The following DNAJC15 variants were observed in gnomAD, a reference collection of about 807,000 sequenced individuals.
DNAJC15 encodes the protein DnaJ heat shock protein family (Hsp40) member C15, also known as dnaJ homolog subfamily C member 15.
A neutral mutation model predicts 22.4 loss-of-function variants in DNAJC15; 27 were observed. The observed-to-expected ratio is 1.20, with a 90% CI of 0.89 to 1.66. The LOEUF (loss-of-function observed/expected upper bound fraction) is 1.66. DNAJC15 is among the 40% of genes most tolerant of loss of function. The pLI is 0.00. For synonymous variants in DNAJC15, 79 were observed against 63.2 expected, an observed-to-expected ratio of 1.25 and a Z score of -1.19; for missense variants, 208 against 187.1, an observed-to-expected ratio of 1.11 and a Z score of -0.65.
Position 43,070,646 on chromosome 13 carries a change from G to T in DNAJC15, c.234+1643G>T, listed in dbSNP as rs76918382. 3.0e-3 allele frequency among the ~76,000 whole-genome samples: 463 copies of T among 152,272 alleles called. 3 individuals are homozygous for T. Among genetic ancestry groups the T allele is most frequent in the African/African-American group, 0.011 (437 of 41,564 alleles). On this transcript the variant is annotated intron_variant, in intron 3 of 5. Transcript: ENST00000379221. The stretch of plus-strand genomic sequence containing the variant: ...CTCTGGTGTAAGAGCTTCCTAGGTG[G>T]TGGGATCACTGCAAAGGTCCTGAGG...
chr13:43,071,085 A>G (rs1487618164), intron 3 of DNAJC15, among the ~76,000 whole-genome samples: 1 of 152,230 alleles, frequency 6.6e-6, no homozygotes, highest in African/African-American at 2.4e-5. Context: ...TCTTCAATAT[A>G]GTGTAAATAG....
At position 43,023,704 on chromosome 13, in the gene DNAJC15, G is replaced by T; in HGVS notation, c.78G>T (p.Arg26=). The change falls in exon 1 of 6, where the codon CGG becomes CGT. Residue 26 remains arginine (R), a synonymous_variant. Coordinates refer to ENST00000379221, the MANE Select transcript of DNAJC15 (RefSeq NM_013238.3). The part of the protein sequence containing the change: ...YAEYLQPSAK[R]PDADVDQQRL... Reference sequence around the variant, plus strand: ...AGTACTTGCAGCCCTCGGCCAAACGGCCAGACGCCGACGTCGACCAGCAGA... The same window carrying T: ...AGTACTTGCAGCCCTCGGCCAAACGTCCAGACGCCGACGTCGACCAGCAGA... 6.2e-7 allele frequency: 1 copy of T among 1,611,624 alleles called. No individual in the cohort carries two copies. Among genetic ancestry groups the T allele is most frequent in the Non-Finnish European group, 8.5e-7 (1 of 1,179,124 alleles).
rs1335608109 is a variant in DNAJC15, at chr13:43,023,622, T to G, written c.-5T>G. On this transcript the variant is annotated 5_prime_UTR_variant, in exon 1 of 6. Coordinates refer to ENST00000379221, the MANE Select transcript of DNAJC15 (RefSeq NM_013238.3). ...CGGCGCCTTGAGTCTCCGGGCCGCC[T>G]TGCCATGGCTGCCCGTGGTGTCATC... is the stretch of plus-strand genomic sequence containing the variant. The G allele has an allele frequency of 1.9e-6, 3 of 1,608,118 alleles. No individual in the cohort carries two copies. The East Asian group carries it at 6.7e-5, about 36-fold the overall frequency.
intron 1 of DNAJC15, among the ~76,000 whole-genome samples, chr13:43,058,101 C>G (rs1222397041): frequency 6.6e-6 from 1 of 152,154 alleles, no homozygotes; most frequent in Non-Finnish European, 1.5e-5. Context: ...TGGACAGACT[C>G]AGGACCTCTG....
At chr13:43,102,534 G>A (rs868100807) in intron 5 of DNAJC15, among the ~76,000 whole-genome samples, 1 of 152,134 alleles carries the variant, frequency 6.6e-6, no homozygotes, top group African/African-American at 2.4e-5. Context: ...CCAGCACTTT[G>A]GGGGGAGGAG....
chr13:43,036,556 A>G (rs1032070659), intron 1 of DNAJC15, among the ~76,000 whole-genome samples: 6 of 152,368 alleles, frequency 3.9e-5, no homozygotes, highest in African/African-American at 1.4e-4. Context: ...GACTTCATCC[A>G]GAACTGGCAG....
chr13:43,105,660 G>A (rs1449641317), intron 5 of DNAJC15, among the ~76,000 whole-genome samples: 6 of 152,078 alleles, frequency 3.9e-5, no homozygotes, highest in Admixed American at 3.9e-4. Context: ...GCATAGTATG[G>A]CCTATGATTT....
intron 3 of DNAJC15, among the ~76,000 whole-genome samples, chr13:43,069,432 C>T (rs78985354): frequency 0.014 from 2,056 of 152,192 alleles, 45 homozygotes; most frequent in African/African-American, 0.044. Flanking sequence ...TGAAACTAGT[C>T]CCCTTATACC....
At chr13:43,043,877 A>G (rs559113290) in intron 1 of DNAJC15, among the ~76,000 whole-genome samples, 2 of 152,210 alleles carry the variant, frequency 1.3e-5, no homozygotes, top group African/African-American at 2.4e-5. Context: ...GCTTTTGGCA[A>G]TGGAACAATA....
intron 1 of DNAJC15, among the ~76,000 whole-genome samples, chr13:43,042,285 T>A (rs181664346): frequency 1.8e-4 from 28 of 152,302 alleles, no homozygotes; most frequent in Admixed American, 5.9e-4. Context: ...TAACTATAGT[T>A]GTAATAAAAC....
chr13:43,084,794 G>T (rs1363631747), intron 4 of DNAJC15, among the ~76,000 whole-genome samples: 1 of 152,050 alleles, frequency 6.6e-6, no homozygotes, highest in Non-Finnish European at 1.5e-5. Flanking sequence ...TTTGTTTACA[G>T]CATAGGCTTT....
At chr13:43,027,977 T>G (rs1179429329) in intron 1 of DNAJC15, among the ~76,000 whole-genome samples, 1 of 152,130 alleles carries the variant, frequency 6.6e-6, no homozygotes, top group Non-Finnish European at 1.5e-5. Flanking sequence ...TTTCCCACTG[T>G]TTTTTACACC....
chr13:43,092,181 G>C (rs2040718151), intron 5 of DNAJC15, among the ~76,000 whole-genome samples: 1 of 152,064 alleles, frequency 6.6e-6, no homozygotes, highest in Admixed American at 6.5e-5. Context: ...AAATGATTTA[G>C]GATTGTTAAA....
rs918543021 is a variant in DNAJC15, at chr13:43,090,224, T to G, written c.382+4386T>G. Among the ~76,000 whole-genome samples, 10 of 152,262 alleles carry G rather than the reference T, an allele frequency of 6.6e-5. No individual in the cohort carries two copies. The East Asian group carries it at 1.9e-3, about 29-fold the overall frequency. Reference sequence around the variant, plus strand: ...AAGCAAAGTAGATAAATTACCTGATTGGCTTCAGCTAGGCATCTGCCTTGT... The same window carrying G: ...AAGCAAAGTAGATAAATTACCTGATGGGCTTCAGCTAGGCATCTGCCTTGT... On this transcript the variant is annotated intron_variant, in intron 5 of 5. Coordinates refer to ENST00000379221, the MANE Select transcript of DNAJC15 (RefSeq NM_013238.3).
intron 4 of DNAJC15, 120 bp from the exon 5 acceptor site, chr13:43,085,648 A>G (rs1269384478): frequency 4.4e-6 from 3 of 689,044 alleles, no homozygotes; most frequent in Non-Finnish European, 7.2e-6. Flanking sequence ...GTAGTTTCAT[A>G]TTTGTCCACA....
chr13:43,066,807 G>A (rs9533375), intron 2 of DNAJC15, among the ~76,000 whole-genome samples: 33,373 of 151,908 alleles, frequency 0.22, 4,392 homozygotes, highest in Non-Finnish European at 0.3. Flanking sequence ...TGTATTTTTA[G>A]TATAAAAATA....
At chr13:43,097,336 TTA>T (rs2153442102) in intron 5 of DNAJC15, among the ~76,000 whole-genome samples, 1 of 152,310 alleles carries the variant, frequency 6.6e-6, no homozygotes, top group African/African-American at 2.4e-5. Flanking sequence ...GTTTCTGGAA[TTA>T]TAAGCAGATC....
At chr13:43,045,917 A>G (rs1267257075) in intron 1 of DNAJC15, among the ~76,000 whole-genome samples, 1 of 152,164 alleles carries the variant, frequency 6.6e-6, no homozygotes, top group African/African-American at 2.4e-5. Context: ...GCTAAAATGT[A>G]CCTTCATGAG....
At chr13:43,087,597 G>T (rs1310535871) in intron 5 of DNAJC15, among the ~76,000 whole-genome samples, 1 of 152,050 alleles carries the variant, frequency 6.6e-6, no homozygotes, top group African/African-American at 2.4e-5. Flanking sequence ...CTTTAGCCAG[G>T]TCACCACTGG....
Sources: gnomAD v4.1 joint callset for allele counts (sites outside exome capture counted in the v4.1 genomes callset) on GRCh38, gnomAD v4.1.1 for gene constraint, MANE v1.5 for transcripts, NCBI Gene and HGNC (gene_info 2026-07-23, HGNC 2026-07-21) for gene names.